Variants in FHIT observed in about 807,000 individuals in gnomAD.
FHIT encodes the protein fragile histidine triad diadenosine triphosphatase.
FHIT carries 19 observed loss-of-function variants against 17.9 expected under a neutral mutation model. That is an observed-to-expected ratio of 1.06 (90% CI 0.74 to 1.56). FHIT has a LOEUF of 1.56. Ranked by LOEUF, FHIT falls within the 40% of genes most tolerant of loss-of-function variation. FHIT has a pLI of 0.00. For missense variants in FHIT, 248 were observed against 189.2 expected (o/e 1.31, Z -1.82); for synonymous variants, 81 against 69.7 (o/e 1.16, Z -0.81).
intron 8 of FHIT, among the ~76,000 whole-genome samples, chr3:59,912,433 A>G (rs1305579111): frequency 6.6e-6 from 1 of 152,254 alleles, no homozygotes; most frequent in Non-Finnish European, 1.5e-5. Flanking sequence ...GGTCAAGATT[A>G]CCAGAGAAGC....
At chr3:59,976,659 T>C (rs990124282) in intron 7 of FHIT, among the ~76,000 whole-genome samples, 2 of 152,130 alleles carry the variant, frequency 1.3e-5, no homozygotes, top group African/African-American at 2.4e-5. Context: ...CATTTGATGC[T>C]TGAAATCTAC....
intron 3 of FHIT, among the ~76,000 whole-genome samples, chr3:60,976,154 T>C (rs1462821488): frequency 7.7e-6 from 1 of 129,936 alleles, no homozygotes; most frequent in Non-Finnish European, 1.6e-5. Context: ...TTGCCCAAGC[T>C]GGAGTGCAGT....
chr3:60,101,076 C>T (rs1158847560), intron 5 of FHIT, among the ~76,000 whole-genome samples: 1 of 152,186 alleles, frequency 6.6e-6, no homozygotes, highest in African/African-American at 2.4e-5. Context: ...TTGCTTCTTA[C>T]CTGGGGAACA....
chr3:61,053,346 A>C (rs1424496178), intron 2 of FHIT, among the ~76,000 whole-genome samples: 1 of 152,142 alleles, frequency 6.6e-6, no homozygotes, highest in Non-Finnish European at 1.5e-5. Flanking sequence ...GAAGTTAATG[A>C]TTCTTGGGGC....
Position 60,058,347 on chromosome 3 carries a change from T to C in FHIT, c.104-44195A>G, listed in dbSNP as rs188597767. ...GGTTTCACCATGTTGGGCAGGATGG[T>C]CTGGATCTCTTGACCTCATGATCTG... On this transcript the variant is annotated intron_variant, in intron 5 of 9. Coordinates refer to ENST00000492590, the MANE Select transcript of FHIT (RefSeq NM_002012.4). 3.1e-3 allele frequency among the ~76,000 whole-genome samples: 472 copies of C among 152,110 alleles called. 1 individual carries two copies. Among genetic ancestry groups the C allele is most frequent in the African/African-American group, 0.011 (445 of 41,508 alleles).
chr3:61,207,481 T>C (rs1038140590), intron 1 of FHIT, among the ~76,000 whole-genome samples: 2 of 152,230 alleles, frequency 1.3e-5, no homozygotes, highest in African/African-American at 4.8e-5. Context: ...CTATTACTTA[T>C]TGCCTCAATT....
At chr3:60,976,799 T>C (rs1289305265) in intron 3 of FHIT, among the ~76,000 whole-genome samples, 1 of 152,200 alleles carries the variant, frequency 6.6e-6, no homozygotes, top group Non-Finnish European at 1.5e-5. Context: ...ATATTTTCTT[T>C]TACCATGGAG....
chr3:60,843,151 C>T (rs1042205585), intron 3 of FHIT, among the ~76,000 whole-genome samples: 1 of 151,944 alleles, frequency 6.6e-6, no homozygotes, highest in African/African-American at 2.4e-5. Context: ...ACTCCCCAGG[C>T]AATGTGAAGG....
Position 60,059,967 on chromosome 3 carries a change from G to A in FHIT, c.104-45815C>T, listed in dbSNP as rs113217901. On this transcript the variant is annotated intron_variant, in intron 5 of 9. Transcript: ENST00000492590. ...TAATTTGAACTTATAAGCATTAACC[G>A]TGCTCCATGAGTTGTTGTTTTTTGT... Among the ~76,000 whole-genome samples the A allele has an allele frequency of 8.4e-3, 1,273 of 152,174 alleles. 11 individuals carry two copies. The highest frequency in any genetic ancestry group is 0.029 in the African/African-American group (1,209 of 41,510).
rs562138941 is a variant in FHIT at position 60,443,718 on chromosome 3, A to T, written c.103+93142T>A. On this transcript the variant is annotated intron_variant, in intron 5 of 9. Coordinates refer to ENST00000492590, the MANE Select transcript of FHIT (RefSeq NM_002012.4). ...TTTTGCATCGATGTTCATCAGGGAT[A>T]CTGGTCTAAAATTCTCTTTTTTTGT... Among the ~76,000 whole-genome samples, 318 of 152,206 alleles carry T rather than the reference A, an allele frequency of 2.1e-3. 3 individuals carry two copies. Among genetic ancestry groups the T allele is most frequent in the African/African-American group, 7.3e-3 (305 of 41,530 alleles).
chr3:61,028,649 A>C (rs1233187194), intron 3 of FHIT, among the ~76,000 whole-genome samples: 1 of 152,236 alleles, frequency 6.6e-6, no homozygotes, highest in Admixed American at 6.5e-5. Flanking sequence ...AATCTAAAAA[A>C]GGAGAATAGT....
At chr3:60,094,379 T>C (rs571699150) in intron 5 of FHIT, among the ~76,000 whole-genome samples, 3 of 152,126 alleles carry the variant, frequency 2.0e-5, no homozygotes, top group Non-Finnish European at 4.4e-5. Context: ...CAAGAACAGC[T>C]TATGAAACTC....
At chr3:60,198,986 T>G (rs1159875340) in intron 5 of FHIT, among the ~76,000 whole-genome samples, 1 of 152,186 alleles carries the variant, frequency 6.6e-6, no homozygotes, top group Non-Finnish European at 1.5e-5. Flanking sequence ...CTAAAATATT[T>G]ACTCCTTTCT....
chr3:60,912,889 T>C, intron 3 of FHIT: 2 of 433,218 alleles, frequency 4.6e-6, no homozygotes, highest in South Asian at 3.8e-5. Context: ...GGTACTTCCA[T>C]GTGTATGTGC....
chr3:61,196,759 G>A (rs1038157681), intron 2 of FHIT, among the ~76,000 whole-genome samples: 1 of 152,180 alleles, frequency 6.6e-6, no homozygotes, highest in Non-Finnish European at 1.5e-5. Context: ...CCAGACAGTA[G>A]AAAAAGCTGT....
chr3:61,150,360 C>T (rs879563337), intron 2 of FHIT, among the ~76,000 whole-genome samples: 5 of 151,792 alleles, frequency 3.3e-5, no homozygotes, highest in Admixed American at 1.3e-4. Flanking sequence ...ATGGAGTCTC[C>T]CTATATTGCC....
intron 2 of FHIT, among the ~76,000 whole-genome samples, chr3:61,124,416 C>A (rs1402826290): frequency 6.6e-6 from 1 of 152,064 alleles, no homozygotes; most frequent in East Asian, 1.9e-4. Flanking sequence ...GTGGTAAATG[C>A]TTAACAACGG....
intron 5 of FHIT, among the ~76,000 whole-genome samples, chr3:60,392,888 G>A (rs1368894145): frequency 6.6e-6 from 1 of 152,072 alleles, no homozygotes; most frequent in African/African-American, 2.4e-5. Flanking sequence ...TTTCTGGAGG[G>A]CCAAAGAATG....
chr3:61,110,440 C>A (rs1399907808), intron 2 of FHIT, among the ~76,000 whole-genome samples: 3 of 152,144 alleles, frequency 2.0e-5, no homozygotes, highest in African/African-American at 7.2e-5. Flanking sequence ...CACCTCCACC[C>A]TCTCCCTCTA....
Sources: allele counts gnomAD v4.1 joint callset (sites outside exome capture counted in the v4.1 genomes callset), GRCh38; gene constraint gnomAD v4.1.1; transcripts MANE v1.5; gene names NCBI Gene and HGNC (gene_info 2026-07-23, HGNC 2026-07-21).